CSMD1: variants seen among roughly 807,000 people sequenced by gnomAD.
CSMD1 encodes the protein CUB and sushi domain-containing protein 1.
Under a neutral mutation model 417.5 loss-of-function variants are expected in CSMD1, and 213 were observed. That is an observed-to-expected ratio of 0.51 (90% confidence interval 0.46 to 0.57). The LOEUF is 0.57. Among genes scored for constraint, CSMD1 ranks in the 20% least tolerant of loss-of-function variants. CSMD1 has a pLI of 0.00. For missense variants in CSMD1, 6,923 were observed against 4,529.7 expected, an observed-to-expected ratio of 1.53 and a Z score of -15.17; for synonymous variants, 2,862 against 1,736.8, an observed-to-expected ratio of 1.65 and a Z score of -16.11.
At chr8:3,449,077 C>G (rs1437033897) in intron 12 of CSMD1, among the ~76,000 whole-genome samples, 1 of 151,438 alleles carries the variant, frequency 6.6e-6, no homozygotes, top group African/African-American at 2.4e-5. Flanking sequence ...AACTTGTTGC[C>G]TGTCTTCCAA....
intron 7 of CSMD1, among the ~76,000 whole-genome samples, chr8:3,640,836 T>A (rs1278982058): frequency 6.6e-6 from 1 of 152,012 alleles, no homozygotes; most frequent in Non-Finnish European, 1.5e-5. Context: ...CCTTAGTCCA[T>A]GGAATCTTAC....
At chr8:4,913,290 G>A (rs1015185494) in intron 1 of CSMD1, among the ~76,000 whole-genome samples, 1 of 152,148 alleles carries the variant, frequency 6.6e-6, no homozygotes, top group Admixed American at 6.5e-5. Context: ...GGATTCTATT[G>A]CTATCCTCAT....
At chr8:4,012,466 G>C (rs1339194594) in intron 4 of CSMD1, among the ~76,000 whole-genome samples, 2 of 152,016 alleles carry the variant, frequency 1.3e-5, no homozygotes, top group African/African-American at 4.8e-5. Context: ...TACACATGCA[G>C]GTTTGTTACT....
chr8:4,827,468 A>G (rs1738787444), intron 1 of CSMD1, among the ~76,000 whole-genome samples: 1 of 152,196 alleles, frequency 6.6e-6, no homozygotes, highest in Non-Finnish European at 1.5e-5. Context: ...CAGCAAGTCA[A>G]AACAAAGTGC....
intron 1 of CSMD1, among the ~76,000 whole-genome samples, chr8:4,814,185 T>A (rs1020249965): frequency 2.0e-5 from 3 of 151,750 alleles, no homozygotes; most frequent in Non-Finnish European, 4.4e-5. Context: ...TCTTCCATCT[T>A]CAGAATGATT....
chr8:4,233,471 T>C (rs1011250940), intron 3 of CSMD1, among the ~76,000 whole-genome samples: 2 of 152,184 alleles, frequency 1.3e-5, no homozygotes, highest in Non-Finnish European at 2.9e-5. Flanking sequence ...GGAAATGCTT[T>C]GATTAGGAAG....
chr8:3,474,288 T>A (rs151053631), intron 11 of CSMD1, among the ~76,000 whole-genome samples: 1 of 152,182 alleles, frequency 6.6e-6, no homozygotes, highest in African/African-American at 2.4e-5. Context: ...TATATGATAA[T>A]CATACAAATG....
chr8:3,470,873 G>A (rs923226436), intron 11 of CSMD1, among the ~76,000 whole-genome samples: 4 of 152,130 alleles, frequency 2.6e-5, no homozygotes, highest in Non-Finnish European at 5.9e-5. Context: ...TTATCGCTGG[G>A]TAGTATGTCA....
intron 1 of CSMD1, among the ~76,000 whole-genome samples, chr8:4,882,438 G>C (rs1470125682): frequency 6.6e-6 from 1 of 151,408 alleles, no homozygotes; most frequent in Non-Finnish European, 1.5e-5. Context: ...ATTCCGGAGG[G>C]AATTTGAAGA....
In CSMD1 at chr8:3,157,903, A is replaced by C; in HGVS notation, c.5908T>G (p.Cys1970Gly). 1 of 1,553,596 alleles carries C rather than the reference A, an allele frequency of 6.4e-7. No individual in the cohort carries two copies. The highest frequency in any genetic ancestry group is 8.7e-7 in the Non-Finnish European group (1 of 1,147,960). Residue 1970 changes from cysteine (C) to glycine (G), a missense_variant, in exon 39 of 70, where the codon TGC becomes GGC. Transcript: ENST00000635120. ...VRRWNYPSPL[C>G]IATCGGTLST... Reference sequence around the variant, plus strand: ...ACAGAAGGTGCATCCTTACCAATGCACAGGGGAGACGGATAGTTCCAACGG... The same window carrying C: ...ACAGAAGGTGCATCCTTACCAATGCCCAGGGGAGACGGATAGTTCCAACGG...
At chr8:4,559,466 G>T (rs1310385938) in intron 2 of CSMD1, among the ~76,000 whole-genome samples, 1 of 152,136 alleles carries the variant, frequency 6.6e-6, no homozygotes, top group East Asian at 1.9e-4. Flanking sequence ...TATAACCATG[G>T]AGTAGAAAAG....
At chr8:4,336,013 G>C (rs779146917) in intron 3 of CSMD1, among the ~76,000 whole-genome samples, 1 of 152,012 alleles carries the variant, frequency 6.6e-6, no homozygotes, top group Non-Finnish European at 1.5e-5. Context: ...GTTAAGATTT[G>C]GTACACTTAC....
chr8:3,063,712 C>T (rs936411962), intron 49 of CSMD1, among the ~76,000 whole-genome samples: 7 of 152,050 alleles, frequency 4.6e-5, no homozygotes, highest in African/African-American at 9.7e-5. Context: ...AGACACTATG[C>T]GAAGTGAAGC....
intron 26 of CSMD1, among the ~76,000 whole-genome samples, chr8:3,244,034 C>G (rs1007189812): frequency 2.8e-4 from 43 of 152,108 alleles, no homozygotes; most frequent in Non-Finnish European, 7.3e-5. Context: ...AAATGCTTCT[C>G]ACATCTGTAG....
At chr8:3,689,681 C>T (rs1309186708) in intron 7 of CSMD1, among the ~76,000 whole-genome samples, 2 of 151,948 alleles carry the variant, frequency 1.3e-5, no homozygotes, top group East Asian at 3.9e-4. Context: ...CTCCTTTAAT[C>T]CTCACGTCAA....
chr8:4,266,979 A>G (rs1804265532), intron 3 of CSMD1, among the ~76,000 whole-genome samples: 1 of 104,892 alleles, frequency 9.5e-6, no homozygotes, highest in Non-Finnish European at 2.6e-5. Context: ...GGAACTTAAG[A>G]AGATAAAAAT....
intron 12 of CSMD1, among the ~76,000 whole-genome samples, chr8:3,448,226 T>C (rs1311651935): frequency 7.0e-6 from 1 of 143,022 alleles, no homozygotes; most frequent in Middle Eastern, 3.5e-3. Context: ...TGGGGCCAAC[T>C]CTCAAAAGGG....
intron 37 of CSMD1, among the ~76,000 whole-genome samples, chr8:3,165,125 T>C (rs909355693): frequency 1.1e-4 from 16 of 152,094 alleles, no homozygotes; most frequent in African/African-American, 3.9e-4. Flanking sequence ...ATATTTGAAA[T>C]GTAAAAAGAA....
intron 23 of CSMD1, among the ~76,000 whole-genome samples, chr8:3,329,736 G>A (rs1467257513): frequency 1.3e-5 from 2 of 152,156 alleles, no homozygotes; most frequent in African/African-American, 4.8e-5. Flanking sequence ...ACTGAAGAGT[G>A]TGAGCAGAGG....
Sources: gnomAD v4.1 joint callset for allele counts (sites outside exome capture counted in the v4.1 genomes callset) on GRCh38, gnomAD v4.1.1 for gene constraint, MANE v1.5 for transcripts, NCBI Gene and HGNC (gene_info 2026-07-23, HGNC 2026-07-21) for gene names.